CA10: variants seen among roughly 807,000 people sequenced by gnomAD.
CA10 encodes carbonic anhydrase 10 (inactive), also known as carbonic anhydrase-related protein 10.
Under a neutral mutation model 44.2 loss-of-function variants are expected in CA10, and 14 were observed. The ratio of observed to expected loss-of-function variants is 0.32; its 90% CI spans 0.21 to 0.50. The LOEUF is 0.50. Ranked by LOEUF, CA10 falls within the 20% of genes least tolerant of loss-of-function variation. The pLI is 0.99. For missense variants in CA10, 350 were observed against 409.7 expected, an observed-to-expected ratio of 0.85 and a Z score of 1.26; for synonymous variants, 159 against 141.6, an observed-to-expected ratio of 1.12 and a Z score of -0.87.
intron 2 of CA10, among the ~76,000 whole-genome samples, chr17:52,003,738 G>T (rs555069558): frequency 7.9e-5 from 12 of 151,874 alleles, no homozygotes; most frequent in Non-Finnish European, 1.8e-4. Context: ...GATACACTTA[G>T]TTGCAATGAC....
intron 3 of CA10, among the ~76,000 whole-genome samples, chr17:51,859,581 T>A (rs945741738): frequency 2.0e-5 from 3 of 152,156 alleles, no homozygotes; most frequent in African/African-American, 7.2e-5. Context: ...TGAAGGGCTG[T>A]CAATATTGGC....
chr17:51,844,239 G>T (rs1978395396), intron 3 of CA10, among the ~76,000 whole-genome samples: 1 of 151,938 alleles, frequency 6.6e-6, no homozygotes. Context: ...ATAGAATTAG[G>T]GAATATTGAT....
intron 3 of CA10, among the ~76,000 whole-genome samples, chr17:51,776,342 C>G (rs1239958000): frequency 6.6e-6 from 1 of 151,532 alleles, no homozygotes; most frequent in Non-Finnish European, 1.5e-5. Flanking sequence ...GCCACTGCAC[C>G]CCAGCCTCAG....
rs554376886 is a variant in CA10 at position 51,631,715 on chromosome 17, G to C, written c.965-109C>G. The C allele has an allele frequency of 1.9e-4, 183 of 939,584 alleles. 1 individual carries two copies. The African/African-American group carries it at 2.3e-3, about 12-fold the overall frequency. The allele number at this position is 939,584 out of a possible 1,614,324, so 58.2% of individuals were successfully genotyped here. A position where few individuals can be genotyped will look rare whatever the true frequency, so the allele number is the denominator to read the frequency against. ...GAATTCCTCCAGAGGGGAAGGGACTGTTTTGTAAATGCCTGCTTACTTATA... is the reference window on the plus strand; with the variant it reads ...GAATTCCTCCAGAGGGGAAGGGACTCTTTTGTAAATGCCTGCTTACTTATA... On this transcript the variant is annotated intron_variant, in intron 8 of 8. Coordinates refer to ENST00000451037, the MANE Select transcript of CA10 (RefSeq NM_020178.5).
intron 4 of CA10, among the ~76,000 whole-genome samples, chr17:51,720,186 T>C (rs1001350538): frequency 1.3e-5 from 2 of 152,246 alleles, no homozygotes; most frequent in Non-Finnish European, 2.9e-5. Context: ...ATGGGACATC[T>C]AGAATGAATT....
At chr17:51,856,957 T>C (rs992976488) in intron 3 of CA10, among the ~76,000 whole-genome samples, 40 of 152,328 alleles carry the variant, frequency 2.6e-4, no homozygotes, top group African/African-American at 9.6e-4. Context: ...GGCTGAATTA[T>C]GGATTTTACA....
Position 51,930,374 on chromosome 17 carries a change from A to G in CA10, c.279+616T>C, listed in dbSNP as rs894920321. On this transcript the variant is annotated intron_variant, in intron 3 of 8. Coordinates refer to ENST00000451037, the MANE Select transcript of CA10 (RefSeq NM_020178.5). Reference sequence around the variant, plus strand: ...AAGATTCCAGTGATGAGAAGACCCAATGGGCACTTGTGCCCTTCCACAAAT... The same window carrying G: ...AAGATTCCAGTGATGAGAAGACCCAGTGGGCACTTGTGCCCTTCCACAAAT... Among the ~76,000 whole-genome samples the G allele has an allele frequency of 8.5e-5, 13 of 152,252 alleles. No individual in the cohort carries two copies. The South Asian group carries it at 1.2e-3, about 15-fold the overall frequency.
intron 2 of CA10, among the ~76,000 whole-genome samples, chr17:51,946,765 A>G (rs1983289441): frequency 6.6e-6 from 1 of 152,202 alleles, no homozygotes; most frequent in Non-Finnish European, 1.5e-5. Flanking sequence ...CATTTGTAAC[A>G]TGTCTTATAA....
chr17:52,118,393 C>G (rs1038350842), intron 1 of CA10, among the ~76,000 whole-genome samples: 1 of 152,136 alleles, frequency 6.6e-6, no homozygotes, highest in African/African-American at 2.4e-5. Context: ...ATTCCTAAGT[C>G]ATCGTTTTGG....
At chr17:51,689,230 T>C (rs1341670312) in intron 4 of CA10, among the ~76,000 whole-genome samples, 1 of 152,174 alleles carries the variant, frequency 6.6e-6, no homozygotes, top group Non-Finnish European at 1.5e-5. Context: ...CTATATAAAA[T>C]ACTATGCTGA....
At chr17:51,830,633 G>T (rs1471430933) in intron 3 of CA10, among the ~76,000 whole-genome samples, 2 of 152,208 alleles carry the variant, frequency 1.3e-5, no homozygotes, top group East Asian at 1.9e-4. Context: ...GTGTTCCAGG[G>T]ATAGAAAGCT....
chr17:51,851,957 G>C (rs1978814819), intron 3 of CA10, among the ~76,000 whole-genome samples: 1 of 152,090 alleles, frequency 6.6e-6, no homozygotes, highest in Non-Finnish European at 1.5e-5. Context: ...AAGAAATTAG[G>C]AAAAGCTCTC....
intron 3 of CA10, among the ~76,000 whole-genome samples, chr17:51,878,240 G>A (rs964120112): frequency 6.6e-5 from 10 of 151,652 alleles, no homozygotes; most frequent in African/African-American, 2.4e-4. Flanking sequence ...CCAGAAAGTT[G>A]GGAATTCTGG....
chr17:51,896,395 T>C (rs769764398), intron 3 of CA10, among the ~76,000 whole-genome samples: 39 of 152,070 alleles, frequency 2.6e-4, no homozygotes, highest in Non-Finnish European at 4.0e-4. Context: ...TTCAGCTCTA[T>C]CCATGTTACT....
chr17:52,133,136 G>C (rs1191562825), intron 1 of CA10, among the ~76,000 whole-genome samples: 4 of 152,108 alleles, frequency 2.6e-5, no homozygotes, highest in Admixed American at 2.6e-4. Flanking sequence ...CAAGCAATCT[G>C]GTACCATGCC....
At chr17:52,080,646 A>G (rs541990070) in intron 1 of CA10, among the ~76,000 whole-genome samples, 9 of 152,108 alleles carry the variant, frequency 5.9e-5, no homozygotes, top group African/African-American at 2.2e-4. Flanking sequence ...TTTCTCATAA[A>G]ATTTACAAGA....
intron 3 of CA10, among the ~76,000 whole-genome samples, chr17:51,808,781 T>C (rs1196352086): frequency 1.3e-5 from 2 of 152,214 alleles, no homozygotes; most frequent in Non-Finnish European, 2.9e-5. Context: ...AAGTAAAGTA[T>C]ACTAAATGTC....
At chr17:51,679,562 ATTTT>A (rs58947305) in intron 4 of CA10, among the ~76,000 whole-genome samples, 2 of 140,880 alleles carry the variant, frequency 1.4e-5, no homozygotes, top group African/African-American at 2.6e-5. Flanking sequence ...TGCCTGGCCT[ATTTT>A]TTTTTTTTTT....
At chr17:51,638,463 T>C (rs1314423095) in intron 6 of CA10, among the ~76,000 whole-genome samples, 3 of 152,230 alleles carry the variant, frequency 2.0e-5, no homozygotes, top group Non-Finnish European at 4.4e-5. Flanking sequence ...GATTGGAATA[T>C]GGCCAGCCTG....
Sources: gnomAD v4.1 joint callset for allele counts (sites outside exome capture counted in the v4.1 genomes callset) on GRCh38, gnomAD v4.1.1 for gene constraint, MANE v1.5 for transcripts, NCBI Gene and HGNC (gene_info 2026-07-23, HGNC 2026-07-21) for gene names.